Variants in CATSPERE observed in about 807,000 individuals in gnomAD.
CATSPERE encodes the protein cation channel sperm-associated auxiliary subunit epsilon.
CATSPERE carries 93 observed loss-of-function variants against 114.1 expected under a neutral mutation model. The ratio of observed to expected loss-of-function variants is 0.81; its 90% CI spans 0.69 to 0.97. The LOEUF (loss-of-function observed/expected upper bound fraction) is 0.97, where lower values mean the gene tolerates loss of function less well. CATSPERE is among the 50% of genes least tolerant of loss of function. The probability of loss-of-function intolerance (pLI) is 0.00; values close to 1 mark genes in which losing one functional copy is unlikely to be tolerated. For missense variants in CATSPERE, 1,058 were observed against 1,131.6 expected, an observed-to-expected ratio of 0.93 and a Z score of 0.93; for synonymous variants, 341 against 384.1, an observed-to-expected ratio of 0.89 and a Z score of 1.31.
At chr1:244,489,450 ATTTTTTTT>A (rs10524749) in intron 5 of CATSPERE, among the ~76,000 whole-genome samples, 31,061 of 85,594 alleles carry the variant, frequency 0.36, 4,847 homozygotes, top group Admixed American at 0.44. Flanking sequence ...AAGCATGCAG[ATTTTTTTT>A]TTTTTTTTTT....
chr1:244,466,742 CA>C (rs1296198886), intron 2 of CATSPERE, among the ~76,000 whole-genome samples: 1 of 152,116 alleles, frequency 6.6e-6, no homozygotes, highest in Non-Finnish European at 1.5e-5. Flanking sequence ...TATCAATAGT[CA>C]AAAAGTTGCT....
At chr1:244,500,080 A>AT (rs1673788119) in intron 7 of CATSPERE, among the ~76,000 whole-genome samples, 1 of 152,104 alleles carries the variant, frequency 6.6e-6, no homozygotes, top group Admixed American at 6.5e-5. Flanking sequence ...TTTGATTTGC[A>AT]TTTCTCTTAT....
At chr1:244,615,379 A>G (rs1250368642) in intron 19 of CATSPERE, among the ~76,000 whole-genome samples, 1 of 152,068 alleles carries the variant, frequency 6.6e-6, no homozygotes, top group African/African-American at 2.4e-5. Flanking sequence ...TAAATGAAGA[A>G]TACAGTCATA....
Position 244,633,804 on chromosome 1 carries a change from A to G in CATSPERE, c.2649-1685A>G, listed in dbSNP as rs1286134580. On this transcript the variant is annotated intron_variant, in intron 20 of 21. Coordinates refer to ENST00000366534, the MANE Select transcript of CATSPERE (RefSeq NM_001130957.2). This position sits in a 1 kb window ranked among gnomAD's most constrained non-coding sequence, Gnocchi z 4.1. ...CCTTATTTAAACTCCAACCTTTAGG[A>G]CTCAACACAAGCCTCTTTGCCGTGC... 6.6e-6 allele frequency among the ~76,000 whole-genome samples: 1 copy of G among 151,310 alleles called. No homozygotes were observed. Among genetic ancestry groups the G allele is most frequent in the East Asian group, 1.9e-4 (1 of 5,166 alleles).
rs558205150 is a variant in CATSPERE at position 244,639,371 on chromosome 1, C to T, written c.2703-557C>T. ...ACATCCCCTCCACTGGAAGGCCTTC[C>T]ATGATGTGCGGCTCCCACAGAACTT... On this transcript the variant is annotated intron_variant, in intron 21 of 21. Coordinates refer to ENST00000366534, the MANE Select transcript of CATSPERE (RefSeq NM_001130957.2). 3.9e-5 allele frequency among the ~76,000 whole-genome samples: 6 copies of T among 152,328 alleles called. No individual in the cohort carries two copies. The South Asian group carries it at 1.2e-3, about 32-fold the overall frequency.
At chr1:244,461,705 T>C (rs2148061534) in intron 1 of CATSPERE, among the ~76,000 whole-genome samples, 1 of 152,256 alleles carries the variant, frequency 6.6e-6, no homozygotes, top group South Asian at 2.1e-4. Flanking sequence ...AGTTAGCACT[T>C]TGCTACCCTG....
At chr1:244,621,200 TAG>T (rs1313827970) in intron 20 of CATSPERE, among the ~76,000 whole-genome samples, 366 of 9,284 alleles carry the variant, frequency 0.039, 24 homozygotes, top group African/African-American at 0.074. Context: ...TATATTTATA[TAG>T]ATATATTTAT....
At chr1:244,507,854 T>A (rs764038345) in intron 7 of CATSPERE, among the ~76,000 whole-genome samples, 1 of 152,226 alleles carries the variant, frequency 6.6e-6, no homozygotes, top group Non-Finnish European at 1.5e-5. Flanking sequence ...AACAATACCA[T>A]GCTGTTTTGT....
intron 8 of CATSPERE, among the ~76,000 whole-genome samples, chr1:244,521,916 A>T (rs987613790): frequency 1.4e-5 from 2 of 145,940 alleles, no homozygotes; most frequent in Non-Finnish European, 3.0e-5. Flanking sequence ...GACTGTCAAC[A>T]TTAGATCAAC....
chr1:244,575,884 A>G lies in CATSPERE; in HGVS notation c.1950+3112A>G, dbSNP rs1665174280. ...GAGGTTCAGTCTCTCCCTAATGGGG[A>G]TTTTTCACCTCTTTTTAACCTCTAA... is the stretch of plus-strand genomic sequence containing the variant. On this transcript the variant is annotated intron_variant, in intron 11 of 21. Transcript: ENST00000366534. This position sits in a 1 kb window ranked among gnomAD's most constrained non-coding sequence, Gnocchi z 4.5. Among the ~76,000 whole-genome samples the G allele has an allele frequency of 6.6e-6, 1 of 151,016 alleles. No homozygotes were observed. The highest frequency in any genetic ancestry group is 2.1e-4 in the South Asian group (1 of 4,768).
Position 244,575,579 on chromosome 1 carries a change from T to C in CATSPERE, c.1950+2807T>C, listed in dbSNP as rs941013419. Among the ~76,000 whole-genome samples the C allele has an allele frequency of 3.9e-4, 60 of 152,144 alleles. 1 individual carries two copies. Among genetic ancestry groups the C allele is most frequent in the Non-Finnish European group, 8.8e-5 (6 of 68,026 alleles). On this transcript the variant is annotated intron_variant, in intron 11 of 21. Transcript: ENST00000366534. The surrounding 1 kb of genome is among the most constrained non-coding windows in gnomAD (Gnocchi z 4.5). ...TGCATGGCTGGGTGCGAGGAGAGCA[T>C]CCTAGCCACTGCCACTCTTCCAGGT... is the stretch of plus-strand genomic sequence containing the variant.
chr1:244,621,093 A>AT (rs1365745690), intron 20 of CATSPERE, among the ~76,000 whole-genome samples: 2 of 69,532 alleles, frequency 2.9e-5, no homozygotes, highest in African/African-American at 5.4e-5. Context: ...AAATATATAT[A>AT]AAATATATAT....
At chr1:244,536,131 T>C (rs1680353286) in intron 8 of CATSPERE, among the ~76,000 whole-genome samples, 6 of 151,766 alleles carry the variant, frequency 4.0e-5, no homozygotes, top group Admixed American at 3.3e-4. Context: ...GATATCCAAG[T>C]TGCAAGACAA....
intron 2 of CATSPERE, among the ~76,000 whole-genome samples, chr1:244,464,638 T>C (rs1268285529): frequency 1.3e-5 from 2 of 152,228 alleles, no homozygotes; most frequent in Non-Finnish European, 2.9e-5. Flanking sequence ...TCTCACTCAA[T>C]GTACATCTTC....
At chr1:244,590,762 T>C (rs1188398921) in intron 14 of CATSPERE, among the ~76,000 whole-genome samples, 1 of 152,250 alleles carries the variant, frequency 6.6e-6, no homozygotes, top group African/African-American at 2.4e-5. Context: ...AGGCATGTAT[T>C]AGTCCTTCCT....
intron 9 of CATSPERE, among the ~76,000 whole-genome samples, chr1:244,556,914 G>C (rs541202352): frequency 1.0e-4 from 15 of 147,876 alleles, no homozygotes; most frequent in African/African-American, 4.0e-4. Flanking sequence ...ATTAATTACA[G>C]CATAAAAGAA....
rs372527679 is a variant in CATSPERE at position 244,471,058 on chromosome 1, GGA to G, written c.115-6481_115-6480del. Reference sequence around the variant, plus strand: ...CCGAGGAGTGTGGCAGTTTTTTTGTGGAGTGTTGAATATGTTCTAAAATCGAT... The same window carrying G: ...CCGAGGAGTGTGGCAGTTTTTTTGTGGTGTTGAATATGTTCTAAAATCGAT... On this transcript the variant is annotated intron_variant, in intron 2 of 21. Coordinates refer to ENST00000366534, the MANE Select transcript of CATSPERE (RefSeq NM_001130957.2). 7.9e-4 allele frequency among the ~76,000 whole-genome samples: 121 copies of G among 152,212 alleles called. 1 individual carries two copies. The highest frequency in any genetic ancestry group is 2.7e-3 in the African/African-American group (111 of 41,538).
At chr1:244,585,121 A>C (rs902699355) in intron 13 of CATSPERE, among the ~76,000 whole-genome samples, 2 of 152,054 alleles carry the variant, frequency 1.3e-5, no homozygotes, top group Non-Finnish European at 2.9e-5. Flanking sequence ...GGCATTACAA[A>C]ATCAGGTTCA....
intron 20 of CATSPERE, among the ~76,000 whole-genome samples, chr1:244,624,336 A>G (rs1672812806): frequency 6.6e-6 from 1 of 152,118 alleles, no homozygotes; most frequent in Non-Finnish European, 1.5e-5. Flanking sequence ...AAAGATTTCA[A>G]TGTAGCATGC....
Sources: gnomAD v4.1 joint callset for allele counts (sites outside exome capture counted in the v4.1 genomes callset) on GRCh38, gnomAD v4.1.1 for gene constraint, Gnocchi (gnomAD v3.1) non-coding constraint, MANE v1.5 for transcripts, NCBI Gene and HGNC (gene_info 2026-07-23, HGNC 2026-07-21) for gene names.